CDKAL1: variants seen among roughly 807,000 people sequenced by gnomAD.
The protein encoded by CDKAL1 is threonylcarbamoyladenosine tRNA methylthiotransferase.
In CDKAL1, 32 loss-of-function variants were observed where a neutral mutation model predicts 68.2. That is an observed-to-expected ratio of 0.47 (90% CI 0.35 to 0.63). The LOEUF is 0.63. Ranked by LOEUF, CDKAL1 falls within the 30% of genes least tolerant of loss-of-function variation. The pLI is 0.00. For missense variants in CDKAL1, 606 were observed against 696.7 expected (o/e 0.87, Z 1.47); for synonymous variants, 234 against 244.3 (o/e 0.96, Z 0.39).
intron 4 of CDKAL1, among the ~76,000 whole-genome samples, chr6:20,611,657 A>G (rs1270464342): frequency 6.6e-6 from 1 of 152,148 alleles, no homozygotes; most frequent in Non-Finnish European, 1.5e-5. Flanking sequence ...TACGTGTAAT[A>G]TTTTGTTATG....
intron 5 of CDKAL1, among the ~76,000 whole-genome samples, chr6:20,657,974 AT>A (rs1769105940): frequency 6.6e-6 from 1 of 151,540 alleles, no homozygotes; most frequent in Non-Finnish European, 1.5e-5. Flanking sequence ...CCATTAGACC[AT>A]TTTGATTTAG....
At chr6:20,576,515 G>T (rs1484488584) in intron 4 of CDKAL1, among the ~76,000 whole-genome samples, 1 of 152,190 alleles carries the variant, frequency 6.6e-6, no homozygotes, top group African/African-American at 2.4e-5. Flanking sequence ...ATGAGATTTT[G>T]TGGTAAAGCA....
At chr6:20,815,161 G>C (rs773648985) in intron 8 of CDKAL1, among the ~76,000 whole-genome samples, 3 of 152,192 alleles carry the variant, frequency 2.0e-5, no homozygotes, top group Non-Finnish European at 4.4e-5. Context: ...AAAGTCTTCT[G>C]CCAGTTGCAT....
intron 7 of CDKAL1, among the ~76,000 whole-genome samples, chr6:20,767,437 G>T (rs1311343274): frequency 2.0e-5 from 3 of 151,864 alleles, no homozygotes; most frequent in African/African-American, 7.3e-5. Flanking sequence ...AGCTTTGATA[G>T]GACATAGAAA....
chr6:20,668,550 C>T (rs1189669596), intron 5 of CDKAL1, among the ~76,000 whole-genome samples: 1 of 152,170 alleles, frequency 6.6e-6, no homozygotes, highest in Non-Finnish European at 1.5e-5. Flanking sequence ...AGTATGTAAA[C>T]AGTTTTTAAC....
intron 11 of CDKAL1, among the ~76,000 whole-genome samples, chr6:21,002,400 C>A (rs1215759434): frequency 6.6e-6 from 1 of 151,906 alleles, no homozygotes; most frequent in Non-Finnish European, 1.5e-5. Flanking sequence ...CATCCCATAC[C>A]CCCCCATATA....
chr6:20,801,509 CAT>C (rs1776362860), intron 8 of CDKAL1, among the ~76,000 whole-genome samples: 1 of 151,170 alleles, frequency 6.6e-6, no homozygotes, highest in African/African-American at 2.4e-5. Context: ...ATTTTTTTAA[CAT>C]GTTTCAAATG....
intron 9 of CDKAL1, among the ~76,000 whole-genome samples, chr6:20,886,576 G>A (rs80038637): frequency 0.012 from 1,818 of 152,196 alleles, 35 homozygotes; most frequent in African/African-American, 0.04. Flanking sequence ...AATGATGTTC[G>A]GATATATGCT....
chr6:20,660,910 G>T (rs1363960014), intron 5 of CDKAL1, among the ~76,000 whole-genome samples: 1 of 152,016 alleles, frequency 6.6e-6, no homozygotes, highest in Admixed American at 6.6e-5. Context: ...TTACATTTGA[G>T]TTTCAAATTG....
intron 5 of CDKAL1, among the ~76,000 whole-genome samples, chr6:20,705,853 A>T (rs1771569246): frequency 6.6e-6 from 1 of 152,026 alleles, no homozygotes; most frequent in Non-Finnish European, 1.5e-5. Flanking sequence ...TCTGTTTAGG[A>T]TTACTCTTCT....
intron 8 of CDKAL1, among the ~76,000 whole-genome samples, chr6:20,801,644 G>A (rs1206481241): frequency 1.3e-5 from 2 of 152,158 alleles, no homozygotes; most frequent in Non-Finnish European, 2.9e-5. Flanking sequence ...TTAAGAGCAA[G>A]CACATGGCTG....
intron 11 of CDKAL1, among the ~76,000 whole-genome samples, chr6:21,004,312 A>G (rs1316912947): frequency 6.6e-6 from 1 of 152,214 alleles, no homozygotes; most frequent in Non-Finnish European, 1.5e-5. Context: ...AAGCTGGTTC[A>G]TTATTCTCTT....
chr6:21,069,637 A>T (rs1771646109), intron 12 of CDKAL1, among the ~76,000 whole-genome samples: 1 of 152,062 alleles, frequency 6.6e-6, no homozygotes, highest in Admixed American at 6.6e-5. Context: ...TTGTTATCAG[A>T]GTAGCATTGG....
At position 21,120,902 on chromosome 6, in the gene CDKAL1, G is replaced by A. The variant is rs546997961; in HGVS notation, c.1299+12439G>A. Among the ~76,000 whole-genome samples, 54 of 152,260 alleles carry A rather than the reference G, an allele frequency of 3.5e-4. No individual in the cohort carries two copies. The Middle Eastern group carries it at 0.01, about 29-fold the overall frequency. ...TGATGTTTTTGGTCTTACAAACAGT[G>A]CTGTGCAGTGTATAATCTCACAAAC... On this transcript the variant is annotated intron_variant, in intron 13 of 15. Transcript: ENST00000274695.
At chr6:21,079,865 A>C (rs1772282452) in intron 12 of CDKAL1, among the ~76,000 whole-genome samples, 1 of 151,666 alleles carries the variant, frequency 6.6e-6, no homozygotes, top group Admixed American at 6.6e-5. Flanking sequence ...TCTTTTCCCA[A>C]GCTGTTTCTA....
At chr6:21,092,231 G>C (rs1455537122) in intron 12 of CDKAL1, among the ~76,000 whole-genome samples, 1 of 149,582 alleles carries the variant, frequency 6.7e-6, no homozygotes. Context: ...GGGTCGGGGG[G>C]GCGGGGTTTA....
At chr6:20,888,545 G>A (rs10806929) in intron 9 of CDKAL1, among the ~76,000 whole-genome samples, 59,947 of 100,324 alleles carry the variant, frequency 0.6, 17,808 homozygotes, top group East Asian at 0.7. Context: ...AACAGTCCCC[G>A]GTGTGTGTTG....
rs889986854 is a variant in CDKAL1, at chr6:20,636,482, G to T, written c.287-12811G>T. ...TTTGTGTCAAGTTTAGTATTTCTGT[G>T]ATGCATTCCAGTGATGTTCTTAGGT... On this transcript the variant is annotated intron_variant, in intron 4 of 15. Transcript: ENST00000274695. 5.3e-4 allele frequency among the ~76,000 whole-genome samples: 80 copies of T among 152,054 alleles called. 1 individual carries two copies. The highest frequency in any genetic ancestry group is 1.5e-4 in the Non-Finnish European group (10 of 68,022).
intron 3 of CDKAL1, 34 bp downstream of exon 3, chr6:20,546,557 C>G: frequency 1.9e-6 from 3 of 1,555,056 alleles, no homozygotes; most frequent in Non-Finnish European, 2.6e-6. Flanking sequence ...TATTCATTTT[C>G]TTTTTTTTTC....
Sources: gnomAD v4.1 joint callset for allele counts (sites outside exome capture counted in the v4.1 genomes callset) on GRCh38, gnomAD v4.1.1 for gene constraint, MANE v1.5 for transcripts, NCBI Gene and HGNC (gene_info 2026-07-23, HGNC 2026-07-21) for gene names.